The following PCDHGB5 variants were observed in gnomAD, a reference collection of about 807,000 sequenced individuals.
PCDHGB5 encodes the protein protocadherin gamma-B5.
A neutral mutation model predicts 62.9 loss-of-function variants in PCDHGB5; 48 were observed. The ratio of observed to expected loss-of-function variants is 0.76; its 90% confidence interval spans 0.61 to 0.97. PCDHGB5 has a LOEUF of 0.97. Ranked by LOEUF, PCDHGB5 falls within the 50% of genes least tolerant of loss-of-function variation. The pLI is 0.00. For synonymous variants in PCDHGB5, 474 were observed against 511.2 expected, an observed-to-expected ratio of 0.93 and a Z score of 0.98; for missense variants, 1,118 against 1,198.6, an observed-to-expected ratio of 0.93 and a Z score of 0.99.
rs2093823931 is a variant in PCDHGB5, at chr5:141,399,512, C to T, written c.1385C>T (p.Pro462Leu). The part of the protein sequence containing the change: ...SYLVSVPENN[P>L]PGASIAQVCA... Reference sequence around the variant, plus strand: ...TTAGTCAGTGTACCCGAAAACAACCCTCCTGGGGCCTCCATCGCGCAAGTC... The same window carrying T: ...TTAGTCAGTGTACCCGAAAACAACCTTCCTGGGGCCTCCATCGCGCAAGTC... The change falls in exon 1 of 4, where the codon CCT (proline) becomes CTT (leucine). Residue 462 changes from proline to leucine, a missense_variant. Coordinates refer to ENST00000617380, the MANE Select transcript of PCDHGB5 (RefSeq NM_018925.3). 6.2e-7 allele frequency: 1 copy of T among 1,614,044 alleles called. No individual in the cohort carries two copies. The highest frequency in any genetic ancestry group is 2.2e-5 in the East Asian group (1 of 44,862).
rs748189764 is a variant in PCDHGB5 at position 141,404,578 on chromosome 5, T to G, written c.2397+4054T>G. 1.9e-6 allele frequency: 3 copies of G among 1,613,950 alleles called. No homozygotes were observed. The Admixed American group carries it at 5.0e-5, about 27-fold the overall frequency. On this transcript the variant is annotated intron_variant, in intron 1 of 3. Coordinates refer to ENST00000617380, the MANE Select transcript of PCDHGB5 (RefSeq NM_018925.3). ...CAAGTGACAGTGGAAGCCCACCACTTAGCAGCAATGTGTCATTGAGACTGT... is the reference window on the plus strand; with the variant it reads ...CAAGTGACAGTGGAAGCCCACCACTGAGCAGCAATGTGTCATTGAGACTGT...
chr5:141,493,179 T>C lies in PCDHGB5; in HGVS notation c.2398-1628T>C, dbSNP rs1208502829. 6.6e-6 allele frequency among the ~76,000 whole-genome samples: 1 copy of C among 152,230 alleles called. No homozygotes were observed. Among genetic ancestry groups the C allele is most frequent in the Non-Finnish European group, 1.5e-5 (1 of 68,040 alleles). On this transcript the variant is annotated intron_variant, in intron 1 of 3. Coordinates refer to ENST00000617380, the MANE Select transcript of PCDHGB5 (RefSeq NM_018925.3). This position sits in a 1 kb window ranked among gnomAD's most constrained non-coding sequence, Gnocchi z 4.3. ...TGATAGCTGATTGAGAGAAACTTAC[T>C]ATATAACTCCTTTGAGAACCTCATC...
chr5:141,409,251 CTT>C (rs771889477), intron 1 of PCDHGB5: 78 of 1,613,922 alleles, frequency 4.8e-5, no homozygotes, highest in Non-Finnish European at 6.2e-5. Context: ...ATAATCATCA[CTT>C]CTCTCTCTGA....
intron 1 of PCDHGB5, chr5:141,403,711 G>A: frequency 6.2e-7 from 1 of 1,613,930 alleles, no homozygotes; most frequent in South Asian, 1.1e-5. Context: ...AAGTCCTTGA[G>A]AACGTGCCCC....
Position 141,491,726 on chromosome 5 carries a change from C to A in PCDHGB5, c.2398-3081C>A, listed in dbSNP as rs1018940432. ...GTGAGGGGCTCGGCGCCGCCCCGGG[C>A]GACCCCTGGGGGCGGCACTGGAGAA... On this transcript the variant is annotated intron_variant, in intron 1 of 3. Coordinates refer to ENST00000617380, the MANE Select transcript of PCDHGB5 (RefSeq NM_018925.3). This position sits in a 1 kb window ranked among gnomAD's most constrained non-coding sequence, Gnocchi z 6.9. 2.2e-5 allele frequency: 36 copies of A among 1,605,766 alleles called. No individual in the cohort carries two copies. Among genetic ancestry groups the A allele is most frequent in the African/African-American group, 4.0e-5 (3 of 74,588 alleles).
rs1488305057 is a variant in PCDHGB5, at chr5:141,477,736, C to A, written c.2398-17071C>A. ...AATTTGAATTAACAGCTCATATCAG[C>A]GATGGGGGCACCCCGGTCCTAGCCA... On this transcript the variant is annotated intron_variant, in intron 1 of 3. Transcript: ENST00000617380. This position sits in a 1 kb window ranked among gnomAD's most constrained non-coding sequence, Gnocchi z 4.9. The A allele has an allele frequency of 6.2e-7, 1 of 1,613,790 alleles. No homozygotes were observed. Among genetic ancestry groups the A allele is most frequent in the Non-Finnish European group, 8.5e-7 (1 of 1,180,024 alleles).
rs779191558 is a variant in PCDHGB5 at position 141,491,465 on chromosome 5, A to G, written c.2398-3342A>G. On this transcript the variant is annotated intron_variant, in intron 1 of 3. Coordinates refer to ENST00000617380, the MANE Select transcript of PCDHGB5 (RefSeq NM_018925.3). This position sits in a 1 kb window ranked among gnomAD's most constrained non-coding sequence, Gnocchi z 6.9. The stretch of plus-strand genomic sequence containing the variant: ...CAGGACTCACCCTCCCCGGACTTCT[A>G]TAAGCAGTCCAGCCCCAACCTGCAG... 1.2e-6 allele frequency: 2 copies of G among 1,613,974 alleles called. No homozygotes were observed. The highest frequency in any genetic ancestry group is 1.1e-5 in the South Asian group (1 of 91,084).
intron 1 of PCDHGB5, chr5:141,418,417 T>C: frequency 6.2e-7 from 1 of 1,614,002 alleles, no homozygotes; most frequent in Non-Finnish European, 8.5e-7. Flanking sequence ...AAGACAATCC[T>C]GATGGTGGCA....
Position 141,432,226 on chromosome 5 carries a change from T to C in PCDHGB5, c.2397+31702T>C. On this transcript the variant is annotated intron_variant, in intron 1 of 3. Coordinates refer to ENST00000617380, the MANE Select transcript of PCDHGB5 (RefSeq NM_018925.3). The surrounding 1 kb of genome is among the most constrained non-coding windows in gnomAD (Gnocchi z 6.0). ...GTGAAGAGAACGCCCAGATCACTTATTCCCTGGCTGAGAACACCATCCAAG... is the reference window on the plus strand; with the variant it reads ...GTGAAGAGAACGCCCAGATCACTTACTCCCTGGCTGAGAACACCATCCAAG... 4 of 1,614,198 alleles carry C rather than the reference T, an allele frequency of 2.5e-6. No individual in the cohort carries two copies. The highest frequency in any genetic ancestry group is 3.4e-6 in the Non-Finnish European group (4 of 1,180,028).
chr5:141,487,933 A>ACCCTGTG lies in PCDHGB5; in HGVS notation c.2398-6873_2398-6872insCCTGTGC. 1.6e-6 allele frequency: 1 copy of ACCCTGTG among 612,004 alleles called. No individual in the cohort carries two copies. The highest frequency in any genetic ancestry group is 1.8e-5 in the African/African-American group (1 of 54,216). The allele number at this position is 612,004 out of a possible 1,614,324, so 37.9% of individuals were successfully genotyped here. On this transcript the variant is annotated intron_variant, in intron 1 of 3. Coordinates refer to ENST00000617380, the MANE Select transcript of PCDHGB5 (RefSeq NM_018925.3). The surrounding 1 kb of genome is among the most constrained non-coding windows in gnomAD (Gnocchi z 5.0). ...CACAGGAGGCTACAGTGCACAGGGT[A>ACCCTGTG]CAGTGCACCAGGCAGTCACTTGGAC... is the stretch of plus-strand genomic sequence containing the variant.
At chr5:141,410,715 G>C (rs1237496496) in intron 1 of PCDHGB5, 1 of 1,422,664 alleles carries the variant, frequency 7.0e-7, no homozygotes, top group Non-Finnish European at 9.4e-7. Context: ...AGAATCATAT[G>C]TTTAAAATCC....
Position 141,400,533 on chromosome 5 carries a change from C to T in PCDHGB5, c.2397+9C>T. On this transcript the variant is annotated intron_variant, in intron 1 of 3. Transcript: ENST00000617380. ...CTTCCCATCCTGAGTTGGTGAGTTT[C>T]ATTTATGTCTATTCTTTTTCATTAC... The T allele has an allele frequency of 6.8e-6, 11 of 1,613,902 alleles. No homozygotes were observed. The highest frequency in any genetic ancestry group is 9.3e-6 in the Non-Finnish European group (11 of 1,179,796).
chr5:141,417,871 C>T (rs1317007566), intron 1 of PCDHGB5: 1 of 1,554,006 alleles, frequency 6.4e-7, no homozygotes, highest in African/African-American at 1.4e-5. Context: ...TGGGAGGGAG[C>T]TGCGCGCAGA....
rs978973236 is a variant in PCDHGB5, at chr5:141,399,545, C to T, written c.1418C>T (p.Ser473Leu). Residue 473 changes from serine (S) to leucine (L), a missense_variant, in exon 1 of 4, where the codon TCG (serine) becomes TTG (leucine). Coordinates refer to ENST00000617380, the MANE Select transcript of PCDHGB5 (RefSeq NM_018925.3). Reference sequence around the variant, plus strand: ...GCCTCCATCGCGCAAGTCTGCGCCTCGGACCTGGACTTGGGGTTGAACGGC... The same window carrying T: ...GCCTCCATCGCGCAAGTCTGCGCCTTGGACCTGGACTTGGGGTTGAACGGC... ...PGASIAQVCA[S>L]DLDLGLNGQV... The T allele has an allele frequency of 6.2e-7, 1 of 1,614,050 alleles. No individual in the cohort carries two copies. Among genetic ancestry groups the T allele is most frequent in the African/African-American group, 1.3e-5 (1 of 75,084 alleles).
At chr5:141,424,300 AAC>A (rs1370166165) in intron 1 of PCDHGB5, 2 of 152,504 alleles carry the variant, frequency 1.3e-5, no homozygotes, top group Non-Finnish European at 2.9e-5. Context: ...TCATCCTATC[AAC>A]ACAGACATAT....
intron 1 of PCDHGB5, chr5:141,441,669 T>C: frequency 3.5e-6 from 1 of 287,870 alleles, no homozygotes; most frequent in Non-Finnish European, 6.8e-6. Context: ...GAGCGCACAG[T>C]GCGCCTTCGA....
chr5:141,409,491 C>A (rs747701093), intron 1 of PCDHGB5: 1 of 1,613,876 alleles, frequency 6.2e-7, no homozygotes, highest in East Asian at 2.2e-5. Context: ...AGGGGCAAGC[C>A]GCCTCTTTCT....
chr5:141,439,669 A>T (rs983024479), intron 1 of PCDHGB5, among the ~76,000 whole-genome samples: 4 of 152,174 alleles, frequency 2.6e-5, no homozygotes, highest in Non-Finnish European at 5.9e-5. Context: ...ATGGAATGCA[A>T]ATCCAAGAGC....
intron 3 of PCDHGB5, among the ~76,000 whole-genome samples, chr5:141,509,050 C>T (rs867585045): frequency 1.6e-4 from 25 of 152,304 alleles, no homozygotes; most frequent in Admixed American, 5.2e-4. Flanking sequence ...CCCCCGCCCC[C>T]AGAAAGCTCT....
Sources: allele counts gnomAD v4.1 joint callset (sites outside exome capture counted in the v4.1 genomes callset), GRCh38; gene constraint gnomAD v4.1.1; non-coding constraint Gnocchi (gnomAD v3.1); transcripts MANE v1.5; gene names NCBI Gene and HGNC (gene_info 2026-07-23, HGNC 2026-07-21).